The following CDH20 variants were observed in gnomAD, a reference collection of about 807,000 sequenced individuals.
CDH20 encodes the protein cadherin 20.
Under a neutral mutation model 74.2 loss-of-function variants are expected in CDH20, and 29 were observed. The observed-to-expected ratio is 0.39, with a 90% CI of 0.29 to 0.53. The LOEUF is 0.53. Ranked by LOEUF, CDH20 falls within the 20% of genes least tolerant of loss-of-function variation. CDH20 has a pLI of 0.69. For missense variants in CDH20, 988 were observed against 1,048.3 expected (o/e 0.94, Z 0.79); for synonymous variants, 469 against 405.4 (o/e 1.16, Z -1.88).
Position 61,490,727 on chromosome 18 carries a change from G to T in CDH20, c.174G>T (p.Lys58Asn). Residue 58 changes from lysine (K) to asparagine (N), a missense_variant, in exon 2 of 12, where the codon AAG becomes AAT. Physicochemically the swap from Lys to Asn is moderately conservative, Grantham distance 94. This residue lies in a region of CDH20 where 613 missense variants were observed against 755.2 expected (regional missense o/e 0.81). Transcript: ENST00000262717. ...SDKPQSHQRT[K>N]RSWVWNQFFV... ...AGCCACAGTCACATCAGCGGACCAA[G>T]AGGAGCTGGGTTTGGAACCAGTTTT... The T allele has an allele frequency of 6.2e-7, 1 of 1,614,206 alleles. No homozygotes were observed. Among genetic ancestry groups the T allele is most frequent in the Non-Finnish European group, 8.5e-7 (1 of 1,180,040 alleles).
rs72991860 is a variant in CDH20 at position 61,427,157 on chromosome 18, G to A, written c.-152-63245G>A. Among the ~76,000 whole-genome samples, 1,444 of 152,176 alleles carry A rather than the reference G, an allele frequency of 9.5e-3. 9 individuals carry two copies. Among genetic ancestry groups the A allele is most frequent in the Middle Eastern group, 0.031 (9 of 294 alleles). The stretch of plus-strand genomic sequence containing the variant: ...GAGAAGTATGGGAATGTAGATTTCC[G>A]TTCACTTCCCTAAGTCTGTTTTTCA... On this transcript the variant is annotated intron_variant, in intron 1 of 11. Coordinates refer to ENST00000262717, the MANE Select transcript of CDH20 (RefSeq NM_031891.4).
chr18:61,370,875 T>C (rs1911014186), intron 1 of CDH20, among the ~76,000 whole-genome samples: 1 of 152,114 alleles, frequency 6.6e-6, no homozygotes, highest in African/African-American at 2.4e-5. Flanking sequence ...GACAAATCAA[T>C]TTTTAAGTCA....
At chr18:61,427,512 A>G (rs1387068559) in intron 1 of CDH20, among the ~76,000 whole-genome samples, 1 of 152,196 alleles carries the variant, frequency 6.6e-6, no homozygotes, top group African/African-American at 2.4e-5. Flanking sequence ...CGTGGTCTCA[A>G]ACTTTTGTCT....
intron 11 of CDH20, among the ~76,000 whole-genome samples, chr18:61,550,599 T>C (rs986131562): frequency 6.6e-6 from 1 of 152,216 alleles, no homozygotes; most frequent in Non-Finnish European, 1.5e-5. Context: ...TGATCACCTC[T>C]TCTAACCCCT....
intron 9 of CDH20, among the ~76,000 whole-genome samples, chr18:61,541,976 G>C (rs1913058449): frequency 2.0e-5 from 3 of 152,192 alleles, no homozygotes; most frequent in Non-Finnish European, 4.4e-5. Context: ...TTAGCGATTT[G>C]TATCTTCACT....
At chr18:61,405,284 A>G (rs545361337) in intron 1 of CDH20, 4 of 347,334 alleles carry the variant, frequency 1.2e-5, no homozygotes, top group Admixed American at 4.3e-5. Flanking sequence ...GGCCATTGTC[A>G]ACTCTTAAAA....
At chr18:61,380,373 T>C (rs191361694) in intron 1 of CDH20, among the ~76,000 whole-genome samples, 120 of 152,098 alleles carry the variant, frequency 7.9e-4, no homozygotes, top group African/African-American at 2.7e-3. Context: ...CATAGTAAAA[T>C]TAAGTAAGAA....
intron 1 of CDH20, among the ~76,000 whole-genome samples, chr18:61,338,644 T>G (rs901550772): frequency 1.3e-5 from 2 of 152,176 alleles, no homozygotes; most frequent in South Asian, 2.1e-4. Flanking sequence ...CATAAAATTT[T>G]AACAATACCA....
chr18:61,469,364 T>TACACACACACACACAC (rs35516738), intron 1 of CDH20, among the ~76,000 whole-genome samples: 3 of 142,352 alleles, frequency 2.1e-5, no homozygotes, highest in Non-Finnish European at 4.6e-5. Context: ...TGAGAATGAA[T>TACACACACACACACAC]ACACACACAC....
At chr18:61,420,315 A>G (rs1450141121) in intron 1 of CDH20, among the ~76,000 whole-genome samples, 1 of 151,064 alleles carries the variant, frequency 6.6e-6, no homozygotes, top group Non-Finnish European at 1.5e-5. Flanking sequence ...AAATGATTTC[A>G]GTAGGAGCAC....
intron 1 of CDH20, among the ~76,000 whole-genome samples, chr18:61,370,829 C>CA (rs754925061): frequency 6.6e-6 from 1 of 152,000 alleles, no homozygotes. Context: ...AATAATAGAT[C>CA]AACATCAAAA....
chr18:61,366,005 G>T (rs1910845351), intron 1 of CDH20, among the ~76,000 whole-genome samples: 1 of 152,092 alleles, frequency 6.6e-6, no homozygotes, highest in African/African-American at 2.4e-5. Flanking sequence ...AACACGACTT[G>T]CAACATTGCA....
intron 1 of CDH20, among the ~76,000 whole-genome samples, chr18:61,409,445 T>G (rs1254556513): frequency 6.6e-6 from 1 of 152,128 alleles, no homozygotes; most frequent in African/African-American, 2.4e-5. Flanking sequence ...GACCCTTCGA[T>G]GGGGACATTT....
At chr18:61,503,175 T>C (rs1402150199) in intron 5 of CDH20, 55 bp downstream of exon 5, 11 of 1,368,314 alleles carry the variant, frequency 8.0e-6, no homozygotes, top group Non-Finnish European at 1.1e-5. Flanking sequence ...ACGCACCCGT[T>C]GCAGAGGTGC....
At position 61,340,226 on chromosome 18, in the gene CDH20, C is replaced by CTTTTTTTT. The variant is rs59628153; in HGVS notation, c.-153+6402_-153+6409dup. On this transcript the variant is annotated intron_variant, in intron 1 of 11. Transcript: ENST00000262717. Reference sequence around the variant, plus strand: ...TGTCTTTAGCTAAATCTTCAGCCTTCTTTTTTTTTTAAAGGTCTGACCTTA... The same window carrying CTTTTTTTT: ...TGTCTTTAGCTAAATCTTCAGCCTTCTTTTTTTTTTTTTTTTTTAAAGGTCTGACCTTA... Among the ~76,000 whole-genome samples the CTTTTTTTT allele has an allele frequency of 5.9e-3, 704 of 119,746 alleles. 12 individuals carry two copies. The highest frequency in any genetic ancestry group is 9.3e-3 in the Middle Eastern group (2 of 214). 78.6% of individuals were successfully genotyped at this position (119,746 alleles called of 152,430 possible).
chr18:61,396,594 C>A (rs1911987084), intron 1 of CDH20, among the ~76,000 whole-genome samples: 1 of 152,202 alleles, frequency 6.6e-6, no homozygotes, highest in Non-Finnish European at 1.5e-5. Flanking sequence ...ACTTGGCTTT[C>A]ATCTTAGAGT....
At chr18:61,363,452 T>C (rs1192324729) in intron 1 of CDH20, among the ~76,000 whole-genome samples, 1 of 152,194 alleles carries the variant, frequency 6.6e-6, no homozygotes. Context: ...AAAGTATCTC[T>C]CATGGATAAG....
chr18:61,479,963 A>G (rs981827592), intron 1 of CDH20, among the ~76,000 whole-genome samples: 3 of 152,220 alleles, frequency 2.0e-5, no homozygotes, highest in African/African-American at 7.2e-5. Context: ...AGCAATTTTC[A>G]TCATAGACTT....
At chr18:61,517,771 C>T (rs1252242591) in intron 6 of CDH20, among the ~76,000 whole-genome samples, 1 of 152,080 alleles carries the variant, frequency 6.6e-6, no homozygotes, top group African/African-American at 2.4e-5. Context: ...TGAGACAGAA[C>T]CATTCACTCC....
Sources: gnomAD v4.1 joint callset for allele counts (sites outside exome capture counted in the v4.1 genomes callset) on GRCh38, gnomAD v4.1.1 for gene constraint, gnomAD v4.1.1 regional missense constraint, MANE v1.5 for transcripts, NCBI Gene and HGNC (gene_info 2026-07-23, HGNC 2026-07-21) for gene names.